The following DCC variants were observed in gnomAD, a reference collection of about 807,000 sequenced individuals.
DCC encodes netrin receptor DCC.
Under a neutral mutation model 172.5 loss-of-function variants are expected in DCC, and 58 were observed. The ratio of observed to expected loss-of-function variants is 0.34; its 90% CI spans 0.27 to 0.42. The LOEUF (loss-of-function observed/expected upper bound fraction) is 0.42, where lower values mean the gene tolerates loss of function less well. Ranked by LOEUF, DCC falls within the 10% of genes least tolerant of loss-of-function variation. The pLI is 1.00. For missense variants in DCC, 1,740 were observed against 1,791.0 expected, an observed-to-expected ratio of 0.97 and a Z score of 0.51; for synonymous variants, 709 against 644.5, an observed-to-expected ratio of 1.10 and a Z score of -1.52.
intron 1 of DCC, among the ~76,000 whole-genome samples, chr18:52,672,569 A>G (rs79955199): frequency 0.023 from 3,413 of 149,592 alleles, 65 homozygotes; most frequent in East Asian, 0.098. Flanking sequence ...TTCCTTCCAA[A>G]TATCCCTCCC....
At chr18:52,375,533 G>A (rs1233082585) in intron 1 of DCC, among the ~76,000 whole-genome samples, 2 of 151,996 alleles carry the variant, frequency 1.3e-5, no homozygotes, top group Non-Finnish European at 2.9e-5. Context: ...ACAATTCTTG[G>A]CATGCTGCTA....
intron 5 of DCC, among the ~76,000 whole-genome samples, chr18:52,948,069 A>G (rs1167302292): frequency 6.6e-6 from 1 of 152,230 alleles, no homozygotes; most frequent in Non-Finnish European, 1.5e-5. Flanking sequence ...TAAATAAAAT[A>G]ATAGCAGTAT....
intron 7 of DCC, among the ~76,000 whole-genome samples, chr18:53,119,929 A>G (rs1200073761): frequency 6.6e-6 from 1 of 151,890 alleles, no homozygotes; most frequent in African/African-American, 2.4e-5. Flanking sequence ...ATGCCCCCAA[A>G]ATGTAGAAAT....
intron 12 of DCC, among the ~76,000 whole-genome samples, chr18:53,281,004 T>C (rs1477947882): frequency 6.6e-6 from 1 of 151,586 alleles, no homozygotes; most frequent in Non-Finnish European, 1.5e-5. Flanking sequence ...TAACTTCTCC[T>C]CAGAAGAGAC....
At chr18:52,683,993 TAATC>T (rs2035790027) in intron 1 of DCC, among the ~76,000 whole-genome samples, 1 of 152,138 alleles carries the variant, frequency 6.6e-6, no homozygotes, top group Non-Finnish European at 1.5e-5. Flanking sequence ...GAAACATATA[TAATC>T]CTTGTCTGTA....
intron 1 of DCC, among the ~76,000 whole-genome samples, chr18:52,344,702 T>C (rs566030383): frequency 7.3e-4 from 111 of 152,346 alleles, no homozygotes; most frequent in African/African-American, 2.6e-3. Context: ...CATGGGAGAC[T>C]GTGCCCTAAG....
intron 23 of DCC, among the ~76,000 whole-genome samples, chr18:53,453,932 A>C (rs371200876): frequency 9.2e-5 from 14 of 152,374 alleles, no homozygotes; most frequent in Middle Eastern, 6.8e-3. Context: ...GGTAGCATTA[A>C]GCTTTAAATT....
intron 3 of DCC, among the ~76,000 whole-genome samples, chr18:52,918,714 C>T (rs2040076041): frequency 6.6e-6 from 1 of 151,978 alleles, no homozygotes. Context: ...TTTCTTAATC[C>T]TCCTCTCTAA....
intron 2 of DCC, among the ~76,000 whole-genome samples, chr18:52,845,092 G>T (rs992695768): frequency 2.0e-5 from 3 of 152,174 alleles, no homozygotes; most frequent in African/African-American, 7.2e-5. Context: ...TGAACTCACT[G>T]AGATGCATTT....
intron 7 of DCC, among the ~76,000 whole-genome samples, chr18:53,088,157 G>C (rs1378237970): frequency 6.6e-6 from 1 of 152,180 alleles, no homozygotes; most frequent in African/African-American, 2.4e-5. Flanking sequence ...TTGGTAGCTT[G>C]ATGGGCATGG....
At chr18:52,488,477 G>T (rs2030339256) in intron 1 of DCC, among the ~76,000 whole-genome samples, 1 of 152,050 alleles carries the variant, frequency 6.6e-6, no homozygotes, top group Non-Finnish European at 1.5e-5. Flanking sequence ...ATATTCAGTG[G>T]ATTGAGCACT....
intron 26 of DCC, among the ~76,000 whole-genome samples, chr18:53,497,643 T>C (rs968724107): frequency 1.8e-4 from 27 of 152,230 alleles, no homozygotes; most frequent in Admixed American, 1.6e-3. Context: ...CATGACACTG[T>C]TTGAATACAA....
chr18:52,805,174 G>C (rs781102210), intron 2 of DCC, among the ~76,000 whole-genome samples: 11 of 152,198 alleles, frequency 7.2e-5, no homozygotes, highest in Non-Finnish European at 1.6e-4. Context: ...GTGTGCAGGA[G>C]AGACTCAATG....
rs1381662001 is a variant in DCC at position 53,319,330 on chromosome 18, G to A, written c.2054-2717G>A. Among the ~76,000 whole-genome samples, 10 of 152,202 alleles carry A rather than the reference G, an allele frequency of 6.6e-5. No homozygotes were observed. The East Asian group carries it at 1.7e-3, about 26-fold the overall frequency. ...TATACAGACTGGCAAATTGGTTAAAGAGTCAAGACCTATTGATGTGCTATA... is the reference window on the plus strand; with the variant it reads ...TATACAGACTGGCAAATTGGTTAAAAAGTCAAGACCTATTGATGTGCTATA... On this transcript the variant is annotated intron_variant, in intron 13 of 28. Transcript: ENST00000442544.
Position 52,685,644 on chromosome 18 carries a change from C to G in DCC, c.92-66410C>G, listed in dbSNP as rs976566170. Among the ~76,000 whole-genome samples the G allele has an allele frequency of 3.3e-5, 5 of 152,220 alleles. No individual in the cohort carries two copies. The East Asian group carries it at 9.7e-4, about 29-fold the overall frequency. On this transcript the variant is annotated intron_variant, in intron 1 of 28. Transcript: ENST00000442544. Reference sequence around the variant, plus strand: ...TGTCAGTTTCTCTCTCTTGCTTCCTCTCTGGCCATGGGAAATAGCATAATA... The same window carrying G: ...TGTCAGTTTCTCTCTCTTGCTTCCTGTCTGGCCATGGGAAATAGCATAATA...
intron 14 of DCC, among the ~76,000 whole-genome samples, chr18:53,333,708 G>A (rs773453519): frequency 6.6e-6 from 1 of 152,168 alleles, no homozygotes; most frequent in Non-Finnish European, 1.5e-5. Flanking sequence ...TGTGGTTTGA[G>A]AACACCTTGG....
chr18:52,632,804 C>T (rs910353660), intron 1 of DCC, among the ~76,000 whole-genome samples: 5 of 152,108 alleles, frequency 3.3e-5, no homozygotes, highest in African/African-American at 1.2e-4. Context: ...GTTTATATTT[C>T]TAAAAGCATC....
chr18:53,183,736 T>C (rs2055234968), intron 9 of DCC, among the ~76,000 whole-genome samples: 1 of 152,108 alleles, frequency 6.6e-6, no homozygotes, highest in Non-Finnish European at 1.5e-5. Context: ...TCTAGAGGAA[T>C]AGCCATATTT....
intron 5 of DCC, among the ~76,000 whole-genome samples, chr18:53,030,216 A>G (rs929095520): frequency 1.3e-5 from 2 of 152,218 alleles, no homozygotes; most frequent in Non-Finnish European, 2.9e-5. Flanking sequence ...ACCCCAGTAA[A>G]GTAGGACCAC....
Sources: gnomAD v4.1 joint callset for allele counts (sites outside exome capture counted in the v4.1 genomes callset) on GRCh38, gnomAD v4.1.1 for gene constraint, MANE v1.5 for transcripts, NCBI Gene and HGNC (gene_info 2026-07-23, HGNC 2026-07-21) for gene names.